The following UNC13C variants were observed in gnomAD, a reference collection of about 807,000 sequenced individuals.
The protein encoded by UNC13C is unc-13 homolog C.
A neutral mutation model predicts 245.4 loss-of-function variants in UNC13C; 174 were observed. That is an observed-to-expected ratio of 0.71 (90% CI 0.63 to 0.80). The LOEUF (loss-of-function observed/expected upper bound fraction) is 0.80. Among genes scored for constraint, UNC13C ranks in the 30% least tolerant of loss-of-function variants. The pLI, the probability that UNC13C is intolerant of heterozygous loss-of-function variation, is 0.00. For missense variants in UNC13C, 2,829 were observed against 2,602.9 expected (o/e 1.09, Z -1.89); for synonymous variants, 992 against 895.1 (o/e 1.11, Z -1.93).
intron 18 of UNC13C, among the ~76,000 whole-genome samples, chr15:54,407,767 G>A (rs1227434116): frequency 1.3e-5 from 2 of 150,274 alleles, no homozygotes; most frequent in Non-Finnish European, 3.0e-5. Context: ...ATTTAAAGAG[G>A]GACTACTACA....
intron 4 of UNC13C, among the ~76,000 whole-genome samples, chr15:54,169,461 A>G (rs2033303892): frequency 6.6e-6 from 1 of 152,114 alleles, no homozygotes; most frequent in Admixed American, 6.5e-5. Context: ...GTCAATTCCT[A>G]CAGTAATTAA....
downstream of UNC13C, chr15:54,629,371 A>C (rs995420167): frequency 9.2e-5 from 14 of 151,668 alleles, no homozygotes; most frequent in African/African-American, 3.4e-4. Context: ...CTACACCAAA[A>C]CCCCCGTGAC....
At chr15:54,021,768 G>A (rs1168062298) in intron 2 of UNC13C, among the ~76,000 whole-genome samples, 1 of 152,134 alleles carries the variant, frequency 6.6e-6, no homozygotes, top group African/African-American at 2.4e-5. Flanking sequence ...TATACATGAT[G>A]GTGGTCCCAA....
chr15:53,970,407 T>C, the UNC13C span, among the ~76,000 whole-genome samples: 1 of 152,176 alleles, frequency 6.6e-6, no homozygotes, highest in Non-Finnish European at 1.5e-5. Flanking sequence ...TATTCCGTTG[T>C]ATATAAATAC....
chr15:54,525,706 A>G, intron 25 of UNC13C, 69 bp downstream of exon 25: 1 of 1,299,736 alleles, frequency 7.7e-7, no homozygotes, highest in Non-Finnish European at 1.1e-6. Flanking sequence ...TCTTGCCTTC[A>G]ATGCTGTTTC....
chr15:54,127,877 C>T (rs761794219), intron 2 of UNC13C, among the ~76,000 whole-genome samples: 6 of 150,948 alleles, frequency 4.0e-5, no homozygotes, highest in Non-Finnish European at 8.8e-5. Context: ...AGAATACTCA[C>T]TCTCATCACT....
At chr15:54,624,306 G>A (rs1901000807) in intron 32 of UNC13C, among the ~76,000 whole-genome samples, 1 of 152,184 alleles carries the variant, frequency 6.6e-6, no homozygotes, top group Non-Finnish European at 1.5e-5. Flanking sequence ...TTGCCTGGGA[G>A]GTCAGGGAAG....
At chr15:54,526,696 A>T in intron 25 of UNC13C, among the ~76,000 whole-genome samples, 1 of 146,680 alleles carries the variant, frequency 6.8e-6, no homozygotes, top group African/African-American at 2.5e-5. Context: ...GTGAGCCGAG[A>T]TCGCACCACT....
chr15:53,871,054 T>A, the UNC13C span, among the ~76,000 whole-genome samples: 1 of 152,196 alleles, frequency 6.6e-6, no homozygotes, highest in Non-Finnish European at 1.5e-5. Flanking sequence ...TTCATTCTCA[T>A]TTAGTCTCCA....
intron 1 of UNC13C, among the ~76,000 whole-genome samples, chr15:53,996,684 T>A (rs1894648788): frequency 6.6e-6 from 1 of 152,186 alleles, no homozygotes; most frequent in African/African-American, 2.4e-5. Flanking sequence ...AAATTATTCT[T>A]GCTTTGAACT....
intron 4 of UNC13C, among the ~76,000 whole-genome samples, chr15:54,176,675 A>G (rs1475245221): frequency 6.6e-6 from 1 of 152,166 alleles, no homozygotes; most frequent in African/African-American, 2.4e-5. Context: ...ACTTTTTATG[A>G]AAGTCTGACA....
chr15:54,459,704 T>G (rs545878912), intron 19 of UNC13C, among the ~76,000 whole-genome samples: 1 of 152,260 alleles, frequency 6.6e-6, no homozygotes, highest in Non-Finnish European at 1.5e-5. Flanking sequence ...TTCCAGTGTA[T>G]TTTGCATTTC....
chr15:54,529,270 G>A (rs977073410), intron 25 of UNC13C, among the ~76,000 whole-genome samples: 10 of 152,126 alleles, frequency 6.6e-5, no homozygotes, highest in African/African-American at 2.4e-4. Flanking sequence ...ATGAACAAGT[G>A]TATGTATAAC....
At chr15:54,284,030 CTG>C (rs1293722410) in intron 10 of UNC13C, among the ~76,000 whole-genome samples, 1 of 152,192 alleles carries the variant, frequency 6.6e-6, no homozygotes, top group African/African-American at 2.4e-5. Context: ...GCAACAGACA[CTG>C]TTCCAGTCCC....
At chr15:54,057,074 A>G (rs8034971) in intron 2 of UNC13C, among the ~76,000 whole-genome samples, 11,724 of 152,210 alleles carry the variant, frequency 0.077, 855 homozygotes, top group African/African-American at 0.18. Flanking sequence ...ATAACCAGCT[A>G]ACATCATAAT....
At chr15:54,562,630 G>C (rs1049636184) in intron 29 of UNC13C, among the ~76,000 whole-genome samples, 1 of 151,960 alleles carries the variant, frequency 6.6e-6, no homozygotes, top group African/African-American at 2.4e-5. Flanking sequence ...CTGCTCTCCT[G>C]CTATGTATTG....
rs916775363 is a variant in UNC13C at position 54,613,423 on chromosome 15, G to T, written c.6107-8904G>T. Among the ~76,000 whole-genome samples the T allele has an allele frequency of 2.6e-5, 4 of 152,026 alleles. No individual in the cohort carries two copies. In the East Asian group the frequency reaches 5.8e-4, roughly 22 times the overall value. On this transcript the variant is annotated intron_variant, in intron 30 of 32. Coordinates refer to ENST00000260323, the MANE Select transcript of UNC13C (RefSeq NM_001080534.3). ...ATATTCATGAATGGTATACTATACA[G>T]TAGTTTAAAATAAGTGAATTACAAT...
chr15:54,058,097 GA>G (rs532659200), intron 2 of UNC13C, among the ~76,000 whole-genome samples: 2,132 of 152,130 alleles, frequency 0.014, 52 homozygotes, highest in African/African-American at 0.048. Flanking sequence ...CAGAAGGCAA[GA>G]AATAACTAAG....
chr15:54,083,027 T>C (rs537061840), intron 2 of UNC13C, among the ~76,000 whole-genome samples: 118 of 152,224 alleles, frequency 7.8e-4, no homozygotes, highest in African/African-American at 2.7e-3. Flanking sequence ...AATTTGGTGG[T>C]GCAATTCAGG....
Sources: allele counts gnomAD v4.1 joint callset (sites outside exome capture counted in the v4.1 genomes callset), GRCh38; gene constraint gnomAD v4.1.1; transcripts MANE v1.5; gene names NCBI Gene and HGNC (gene_info 2026-07-23, HGNC 2026-07-21).